Variants in VPS13A observed in about 807,000 individuals in gnomAD.
VPS13A encodes the protein intermembrane lipid transfer protein VPS13A.
In VPS13A, 264 loss-of-function variants were observed where a neutral mutation model predicts 390.9. The ratio of observed to expected loss-of-function variants is 0.68; its 90% CI spans 0.61 to 0.75. The LOEUF (loss-of-function observed/expected upper bound fraction) is 0.75, where lower values mean the gene tolerates loss of function less well. Among genes scored for constraint, VPS13A ranks in the 30% least tolerant of loss-of-function variants. The pLI, the probability that VPS13A is intolerant of heterozygous loss-of-function variation, is 0.00. For synonymous variants in VPS13A, 1,231 were observed against 1,227.1 expected, an observed-to-expected ratio of 1.00 and a Z score of -0.07; for missense variants, 3,409 against 3,733.9, an observed-to-expected ratio of 0.91 and a Z score of 2.27.
At chr9:77,234,902 C>A (rs1251865679) in intron 17 of VPS13A, among the ~76,000 whole-genome samples, 2 of 152,138 alleles carry the variant, frequency 1.3e-5, no homozygotes, top group Non-Finnish European at 2.9e-5. Context: ...TTTGAATTGA[C>A]ACTAACTTAA....
At chr9:77,319,122 G>C (rs997014344) in intron 41 of VPS13A, among the ~76,000 whole-genome samples, 12 of 150,784 alleles carry the variant, frequency 8.0e-5, no homozygotes, top group African/African-American at 2.7e-4. Context: ...AGAATACCTG[G>C]GAAGTCGAGG....
rs778749778 is a variant in VPS13A, at chr9:77,417,666, C to T, written c.*1660C>T. On this transcript the variant is annotated 3_prime_UTR_variant, in exon 72 of 72. Transcript: ENST00000360280. ...TGCATCAGACTGTCCTCATCCAAAA[C>T]GAAATACTTCATTACCCAATGTTAT... The T allele has an allele frequency of 6.6e-6, 1 of 152,136 alleles. No homozygotes were observed. Among genetic ancestry groups the T allele is most frequent in the African/African-American group, 2.4e-5 (1 of 41,430 alleles). 9.4% of individuals were successfully genotyped at this position (152,136 alleles called of 1,614,324 possible).
At chr9:77,349,106 T>C (rs11145396) in intron 52 of VPS13A, among the ~76,000 whole-genome samples, 26,559 of 152,136 alleles carry the variant, frequency 0.17, 2,472 homozygotes, top group Middle Eastern at 0.25. Context: ...TTTTAAAAAA[T>C]ACTACAGAAA....
intron 23 of VPS13A, among the ~76,000 whole-genome samples, chr9:77,261,576 C>CA (rs201037030): frequency 0.017 from 2,353 of 141,868 alleles, 54 homozygotes; most frequent in African/African-American, 0.054. Flanking sequence ...ATTATTTTGC[C>CA]AAAAAAAAAA....
intron 1 of VPS13A, among the ~76,000 whole-genome samples, chr9:77,185,236 G>C (rs1364454409): frequency 6.6e-6 from 1 of 151,972 alleles, no homozygotes; most frequent in Non-Finnish European, 1.5e-5. Context: ...CCGCCTCCCG[G>C]GTTCAAGTGA....
At chr9:77,406,121 G>C in intron 70 of VPS13A, 134 bp downstream of exon 70, 1 of 1,165,542 alleles carries the variant, frequency 8.6e-7, no homozygotes, top group East Asian at 2.5e-5. Context: ...CCTTATACCT[G>C]CTATCTTACC....
intron 31 of VPS13A, among the ~76,000 whole-genome samples, chr9:77,284,636 C>T (rs554679718): frequency 1.1e-4 from 17 of 152,174 alleles, no homozygotes; most frequent in African/African-American, 1.9e-4. Context: ...AAAGTATCTA[C>T]GAAAAGTTAT....
At chr9:77,177,970 C>T (rs1823746215) in intron 1 of VPS13A, 166 bp downstream of exon 1, 2 of 609,664 alleles carry the variant, frequency 3.3e-6, no homozygotes, top group Non-Finnish European at 5.8e-6. Flanking sequence ...GGCGGCAGTT[C>T]CCTGGCCTCC....
intron 1 of VPS13A, among the ~76,000 whole-genome samples, chr9:77,193,266 G>A (rs972455228): frequency 1.3e-4 from 20 of 151,572 alleles, no homozygotes; most frequent in African/African-American, 4.6e-4. Flanking sequence ...CTTAAATTCC[G>A]TGGATTGGGT....
intron 15 of VPS13A, 144 bp from the exon 16 acceptor site, chr9:77,227,247 G>A: frequency 1.6e-6 from 1 of 638,138 alleles, no homozygotes; most frequent in Non-Finnish European, 2.7e-6. Context: ...AAAATTGCCA[G>A]CCCCATTCAA....
At position 77,237,518 on chromosome 9, in the gene VPS13A, C is replaced by T. The variant is rs117882058; in HGVS notation, c.1596-484C>T. ...TAGCTGGGACTACAGGCTCATGCCC[C>T]CACACCTGGCTAACTTTTGTATTTT... On this transcript the variant is annotated intron_variant, in intron 17 of 71. Coordinates refer to ENST00000360280, the MANE Select transcript of VPS13A (RefSeq NM_033305.3). Among the ~76,000 whole-genome samples the T allele has an allele frequency of 1.6e-4, 25 of 152,108 alleles. No individual in the cohort carries two copies. The East Asian group carries it at 4.9e-3, about 30-fold the overall frequency.
chr9:77,356,750 G>A lies in VPS13A; in HGVS notation c.7689G>A (p.Lys2563=). The change falls in exon 55 of 72, where the codon AAG becomes AAA. Residue 2563 remains lysine, a synonymous_variant. Transcript: ENST00000360280. ...TTTGGGAAACAAAGCCCAAGAAGAAGGCAAGATGGAAGCCAATGAGTGTAA... is the reference window on the plus strand; with the variant it reads ...TTTGGGAAACAAAGCCCAAGAAGAAAGCAAGATGGAAGCCAATGAGTGTAA... ...DVVWETKPKK[K]ARWKPMSVKH... 1 of 1,613,514 alleles carries A rather than the reference G, an allele frequency of 6.2e-7. No homozygotes were observed. The highest frequency in any genetic ancestry group is 2.2e-5 in the East Asian group (1 of 44,820).
At chr9:77,304,004 C>T (rs1328729015) in intron 34 of VPS13A, among the ~76,000 whole-genome samples, 3 of 151,298 alleles carry the variant, frequency 2.0e-5, no homozygotes, top group Non-Finnish European at 3.0e-5. Context: ...AGACCCTTTA[C>T]GAGTGTCGGA....
Position 77,370,517 on chromosome 9 carries a change from T to C in VPS13A, c.8846T>C (p.Met2949Thr). Reference protein sequence around the residue: ...EDYQQKRREAMNKQPAGFREG... With the variant: ...EDYQQKRREATNKQPAGFREG... Reference sequence around the variant, plus strand: ...TACCAACAGAAGAGAAGAGAAGCCATGAATAAGCAACCAGCTGGTTTTAGA... The same window carrying C: ...TACCAACAGAAGAGAAGAGAAGCCACGAATAAGCAACCAGCTGGTTTTAGA... Residue 2949 changes from methionine to threonine, a missense_variant, in exon 65 of 72, where the codon ATG becomes ACG. Coordinates refer to ENST00000360280, the MANE Select transcript of VPS13A (RefSeq NM_033305.3). 6.2e-7 allele frequency: 1 copy of C among 1,614,054 alleles called. No individual in the cohort carries two copies. The highest frequency in any genetic ancestry group is 8.5e-7 in the Non-Finnish European group (1 of 1,180,008).
chr9:77,357,965 T>C, intron 56 of VPS13A, 127 bp downstream of exon 56: 2 of 990,032 alleles, frequency 2.0e-6, no homozygotes, highest in Non-Finnish European at 2.9e-6. Flanking sequence ...TTTTTTTTTT[T>C]TTTTTTTTGA....
chr9:77,277,880 T>G (rs758834816), intron 26 of VPS13A, among the ~76,000 whole-genome samples: 1 of 152,150 alleles, frequency 6.6e-6, no homozygotes, highest in Non-Finnish European at 1.5e-5. Context: ...CTGTGAACAT[T>G]TGAATGCAAG....
At chr9:77,209,291 A>G (rs1590000984) in intron 5 of VPS13A, 132 bp from the exon 6 acceptor site, 1 of 655,754 alleles carries the variant, frequency 1.5e-6, no homozygotes, top group African/African-American at 1.8e-5. Context: ...TTTGGAAAGC[A>G]AGCTATTAGT....
chr9:77,303,083 A>T, intron 34 of VPS13A, 21 bp downstream of exon 34: 2 of 1,613,638 alleles, frequency 1.2e-6, no homozygotes, highest in East Asian at 2.2e-5. Context: ...TTGGATACTT[A>T]TCAATTTTTG....
chr9:77,204,064 T>C (rs1825491627), intron 3 of VPS13A, among the ~76,000 whole-genome samples: 1 of 152,168 alleles, frequency 6.6e-6, no homozygotes, highest in Non-Finnish European at 1.5e-5. Context: ...TTCATTTTTC[T>C]CTGAAGTGAT....
Sources: gnomAD v4.1 joint callset for allele counts (sites outside exome capture counted in the v4.1 genomes callset) on GRCh38, gnomAD v4.1.1 for gene constraint, MANE v1.5 for transcripts, NCBI Gene and HGNC (gene_info 2026-07-23, HGNC 2026-07-21) for gene names.